Variants in DGKA observed in about 807,000 individuals in gnomAD.
DGKA encodes the protein 80 kDa diacylglycerol kinase.
DGKA carries 35 observed loss-of-function variants against 105.0 expected under a neutral mutation model. The ratio of observed to expected loss-of-function variants is 0.33; its 90% CI spans 0.25 to 0.44. DGKA has a LOEUF of 0.44. DGKA is among the 20% of genes least tolerant of loss of function. The pLI, the probability that DGKA is intolerant of heterozygous loss-of-function variation, is 1.00. For missense variants in DGKA, 665 were observed against 915.0 expected (o/e 0.73, Z 3.53); for synonymous variants, 296 against 332.0 (o/e 0.89, Z 1.18).
chr12:55,940,036 G>A lies in DGKA; in HGVS notation c.710-46G>A. ...TCACCCTCAGGTAAGAAGGAAATAG[G>A]GGGAGAGGCTCAGCTAAGCCTCCCA... On this transcript the variant is annotated intron_variant, in intron 9 of 23. Transcript: ENST00000331886. The surrounding 1 kb of genome is among the most constrained non-coding windows in gnomAD (Gnocchi z 4.3). The A allele has an allele frequency of 2.6e-6, 4 of 1,519,436 alleles. No individual in the cohort carries two copies. The highest frequency in any genetic ancestry group is 3.7e-6 in the Non-Finnish European group (4 of 1,094,552). The allele number at this position is 1,519,436 out of a possible 1,614,324, so 94.1% of individuals were successfully genotyped here.
In DGKA at chr12:55,952,062, A is replaced by G. The variant is rs753415819; in HGVS notation, c.1615A>G (p.Ile539Val). Residue 539 changes from isoleucine (I) to valine (V), a missense_variant, in exon 19 of 24, where the codon ATC (isoleucine) becomes GTC (valine). Physicochemically the swap from Ile to Val is conservative, Grantham distance 29. Coordinates refer to ENST00000331886, the MANE Select transcript of DGKA (RefSeq NM_001345.5). The surrounding 1 kb of genome is among the most constrained non-coding windows in gnomAD (Gnocchi z 5.1). Reference sequence around the variant, plus strand: ...TGCCTCTATTGCTCATCGATTCCACATCATGCGAGAGAAATATCCGGAGAA... The same window carrying G: ...TGCCTCTATTGCTCATCGATTCCACGTCATGCGAGAGAAATATCCGGAGAA... ...VDASIAHRFH[I>V]MREKYPEKFN... 2.5e-6 allele frequency: 4 copies of G among 1,614,088 alleles called. No individual in the cohort carries two copies. The highest frequency in any genetic ancestry group is 2.5e-6 in the Non-Finnish European group (3 of 1,180,028).
intron 17 of DGKA, among the ~76,000 whole-genome samples, chr12:55,950,647 G>A (rs1260387550): frequency 6.6e-6 from 1 of 151,790 alleles, no homozygotes; most frequent in African/African-American, 2.4e-5. Flanking sequence ...TTGCCATATT[G>A]TCCAGGCTGG....
upstream of DGKA, chr12:55,927,998 C>T: frequency 3.7e-6 from 2 of 546,664 alleles, no homozygotes; most frequent in South Asian, 2.5e-5. Flanking sequence ...GGATCTAAAG[C>T]GGGGCAACTC....
intron 1 of DGKA, among the ~76,000 whole-genome samples, chr12:55,934,158 C>T (rs1884194333): frequency 6.6e-6 from 1 of 152,178 alleles, no homozygotes; most frequent in South Asian, 2.1e-4. Context: ...AGAGTTAGAT[C>T]ATTGTAAAAA....
intron 23 of DGKA, 34 bp downstream of exon 23, chr12:55,953,444 C>A: frequency 6.2e-7 from 1 of 1,606,518 alleles, no homozygotes; most frequent in Non-Finnish European, 8.5e-7. Context: ...AAAATTAAAC[C>A]CTTGGGCTCC....
chr12:55,927,506 C>T, upstream of DGKA: 6 of 690,442 alleles, frequency 8.7e-6, no homozygotes, highest in Admixed American at 1.5e-4. Context: ...AGGCTCTGGC[C>T]TGCACCCAGA....
At chr12:55,939,865 T>C in intron 9 of DGKA, 1 of 595,944 alleles carries the variant, frequency 1.7e-6, no homozygotes. Context: ...GCCTGGCACA[T>C]GGATGGTGTG....
At position 55,952,077 on chromosome 12, in the gene DGKA, T is replaced by C; in HGVS notation, c.1630T>C (p.Tyr544His). ...TCGATTCCACATCATGCGAGAGAAA[T>C]ATCCGGAGAAGTTCAACAGCAGGTT... ...AHRFHIMREK[Y>H]PEKFNSRMKN... The change falls in exon 19 of 24, where the codon TAT (tyrosine) becomes CAT (histidine). Residue 544 changes from tyrosine to histidine, a missense_variant. By Grantham distance (83) the Tyr-to-His change is moderately conservative. Coordinates refer to ENST00000331886, the MANE Select transcript of DGKA (RefSeq NM_001345.5). The surrounding 1 kb of genome is among the most constrained non-coding windows in gnomAD (Gnocchi z 5.1). The C allele has an allele frequency of 6.2e-7, 1 of 1,613,896 alleles. No individual in the cohort carries two copies. The highest frequency in any genetic ancestry group is 1.7e-4 in the Middle Eastern group (1 of 6,060).
Position 55,940,520 on chromosome 12 carries a change from G to A in DGKA, c.918+87G>A. On this transcript the variant is annotated intron_variant, in intron 11 of 23. Transcript: ENST00000331886. This position sits in a 1 kb window ranked among gnomAD's most constrained non-coding sequence, Gnocchi z 4.3. ...GCCTCCGGCCACACCTCCTTTACAG[G>A]CACAGTTGCCCCTGCTCCCAAGGGC... The A allele has an allele frequency of 1.9e-6, 3 of 1,582,944 alleles. No individual in the cohort carries two copies. Among genetic ancestry groups the A allele is most frequent in the Middle Eastern group, 1.7e-4 (1 of 5,898 alleles).
chr12:55,941,592 C>T lies in DGKA; in HGVS notation c.1250+8C>T. ...GGATGGTCCTGAGATAGGGTGAGCA[C>T]AGGTTAGGGACTGTATCACAGTGTT... On this transcript the variant is annotated splice_region_variant and intron_variant, in intron 15 of 23. Transcript: ENST00000331886. 3 of 1,613,848 alleles carry T rather than the reference C, an allele frequency of 1.9e-6. No individual in the cohort carries two copies. The highest frequency in any genetic ancestry group is 1.7e-6 in the Non-Finnish European group (2 of 1,179,772).
chr12:55,952,770 C>T lies in DGKA; in HGVS notation c.1780C>T (p.Leu594=), dbSNP rs1888412741. 6.2e-7 allele frequency: 1 copy of T among 1,614,014 alleles called. No individual in the cohort carries two copies. Among genetic ancestry groups the T allele is most frequent in the Non-Finnish European group, 8.5e-7 (1 of 1,180,030 alleles). Residue 594 remains leucine, a synonymous_variant, in exon 21 of 24, where the codon CTA becomes TTA. Coordinates refer to ENST00000331886, the MANE Select transcript of DGKA (RefSeq NM_001345.5). This position sits in a 1 kb window ranked among gnomAD's most constrained non-coding sequence, Gnocchi z 5.1. ...GKPLDLSNLS[L]EGIAVLNIPS... ...ACCGCTGGATCTGAGCAACCTGTCC[C>T]TAGAAGGCATCGCAGTGCTAAACAT...
chr12:55,928,676 C>CAAA (rs56280303), upstream of DGKA, among the ~76,000 whole-genome samples: 16 of 47,264 alleles, frequency 3.4e-4, no homozygotes, highest in African/African-American at 8.8e-4. Context: ...GACCCCGTCT[C>CAAA]AAAAAAAAAA....
rs1172838782 is a variant in DGKA at position 55,932,727 on chromosome 12, A to ACACACACACACT, written c.-82+1394_-82+1395insTCACACACACAC. 1 of 622,922 alleles carries ACACACACACACT rather than the reference A, an allele frequency of 1.6e-6. No homozygotes were observed. The highest frequency in any genetic ancestry group is 2.8e-5 in the East Asian group (1 of 35,866). The allele number at this position is 622,922 out of a possible 1,614,324, so 38.6% of individuals were successfully genotyped here. On this transcript the variant is annotated intron_variant, in intron 1 of 23. Transcript: ENST00000331886. This position sits in a 1 kb window ranked among gnomAD's most constrained non-coding sequence, Gnocchi z 4.3. ...CACACACGCACACACACACACACAC[A>ACACACACACACT]CACACACACACACAACCCCCTCAGC...
At position 55,941,319 on chromosome 12, in the gene DGKA, G is replaced by A. The variant is rs752758010; in HGVS notation, c.1169G>A (p.Gly390Glu). ...AATCCTAAGAGTGGCGGGAAGCAGG[G>A]GCAAAGGTGAGGAGAAATATATTGG... ...FVNPKSGGKQ[G>E]QRVLWKFQYI... Residue 390 changes from glycine (G) to glutamate (E), a missense_variant, in exon 14 of 24, where the codon GGG becomes GAG. By Grantham distance (98) the Gly-to-Glu change is moderately conservative (BLOSUM62 -2). This residue lies in a region of DGKA where 504 missense variants were observed against 681.2 expected (regional missense o/e 0.74). Transcript: ENST00000331886. The A allele has an allele frequency of 6.2e-7, 1 of 1,613,590 alleles. No individual in the cohort carries two copies. The highest frequency in any genetic ancestry group is 8.5e-7 in the Non-Finnish European group (1 of 1,179,612).
intron 17 of DGKA, among the ~76,000 whole-genome samples, chr12:55,947,078 C>T (rs7956950): frequency 0.017 from 2,501 of 151,178 alleles, 76 homozygotes; most frequent in African/African-American, 0.057. Context: ...CTCCACCTCC[C>T]GGGTTCAAGC....
rs80334579 is a variant in DGKA at position 55,952,024 on chromosome 12, G to A, written c.1588-11G>A. 84,361 of 1,613,752 alleles carry A rather than the reference G, an allele frequency of 0.052. 2,467 individuals carry two copies. The highest frequency in any genetic ancestry group is 0.092 in the Middle Eastern group (555 of 6,004). On this transcript the variant is annotated splice_polypyrimidine_tract_variant and intron_variant, in intron 18 of 23. Coordinates refer to ENST00000331886, the MANE Select transcript of DGKA (RefSeq NM_001345.5). This position sits in a 1 kb window ranked among gnomAD's most constrained non-coding sequence, Gnocchi z 5.1. Reference sequence around the variant, plus strand: ...AGCTCTGTACTGACCTTCATGTCCCGAACTCTCCAGGATGCCTCTATTGCT... The same window carrying A: ...AGCTCTGTACTGACCTTCATGTCCCAAACTCTCCAGGATGCCTCTATTGCT...
chr12:55,938,490 C>T (rs1885226706), intron 5 of DGKA, 21 bp from the exon 6 acceptor site: 5 of 1,613,656 alleles, frequency 3.1e-6, no homozygotes, highest in African/African-American at 2.7e-5. Context: ...CTGACCCTGG[C>T]CCCCCTAAAA....
chr12:55,940,856 A>G lies in DGKA; in HGVS notation c.1018-41A>G, dbSNP rs768626368. 2 of 1,607,320 alleles carry G rather than the reference A, an allele frequency of 1.2e-6. No individual in the cohort carries two copies. Among genetic ancestry groups the G allele is most frequent in the Non-Finnish European group, 1.7e-6 (2 of 1,174,248 alleles). ...GACCCCTCTATTTAGGGATTCATGC[A>G]CAATACAGCTTTTCTTCCCTCTACT... On this transcript the variant is annotated intron_variant, in intron 12 of 23. Transcript: ENST00000331886. This position sits in a 1 kb window ranked among gnomAD's most constrained non-coding sequence, Gnocchi z 4.3.
upstream of DGKA, chr12:55,927,865 G>C: frequency 7.0e-7 from 1 of 1,437,438 alleles, no homozygotes; most frequent in Non-Finnish European, 9.3e-7. Context: ...GGCCCTAGTT[G>C]CTTCTCGCCC....
Sources: allele counts gnomAD v4.1 joint callset (sites outside exome capture counted in the v4.1 genomes callset), GRCh38; gene constraint gnomAD v4.1.1; regional missense constraint gnomAD v4.1.1; non-coding constraint Gnocchi (gnomAD v3.1); transcripts MANE v1.5; gene names NCBI Gene and HGNC (gene_info 2026-07-23, HGNC 2026-07-21).